ARFIP1: variants seen among roughly 807,000 people sequenced by gnomAD.
ARFIP1 encodes arfaptin-1.
ARFIP1 carries 24 observed loss-of-function variants against 42.5 expected under a neutral mutation model. The ratio of observed to expected loss-of-function variants is 0.57; its 90% CI spans 0.41 to 0.80. The LOEUF (loss-of-function observed/expected upper bound fraction) is 0.80. Ranked by LOEUF, ARFIP1 falls within the 30% of genes least tolerant of loss-of-function variation. ARFIP1 has a pLI of 0.00. For missense variants in ARFIP1, 354 were observed against 434.0 expected, an observed-to-expected ratio of 0.82 and a Z score of 1.64; for synonymous variants, 141 against 153.7, an observed-to-expected ratio of 0.92 and a Z score of 0.61.
rs1315308079 is a variant in ARFIP1 at position 152,902,653 on chromosome 4, C to T, written c.967-7411C>T. Among the ~76,000 whole-genome samples, 3 of 152,226 alleles carry T rather than the reference C, an allele frequency of 2.0e-5. No individual in the cohort carries two copies. In the South Asian group the frequency reaches 6.2e-4, roughly 32 times the overall value. On this transcript the variant is annotated intron_variant, in intron 8 of 8. Transcript: ENST00000353617. ...TAGCTGAAATACCTGCTCTTTCTTT[C>T]ATTCTGTGCTCCTCAGTTCCTGTGG... is the stretch of plus-strand genomic sequence containing the variant.
At chr4:152,793,312 CAA>C (rs5863020) in intron 1 of ARFIP1, among the ~76,000 whole-genome samples, 18 of 135,094 alleles carry the variant, frequency 1.3e-4, no homozygotes, top group Admixed American at 2.2e-4. Context: ...AACTCCGTCT[CAA>C]AAAAAAAAAA....
intron 8 of ARFIP1, among the ~76,000 whole-genome samples, chr4:152,891,138 T>C (rs1736812259): frequency 6.6e-6 from 1 of 152,202 alleles, no homozygotes. Flanking sequence ...ATGAGGACTG[T>C]ACCTCCCAAA....
chr4:152,889,897 C>T (rs1274516171), intron 8 of ARFIP1, among the ~76,000 whole-genome samples: 1 of 130,414 alleles, frequency 7.7e-6, no homozygotes, highest in African/African-American at 2.9e-5. Flanking sequence ...TGTATGTATA[C>T]TATATATATA....
intron 5 of ARFIP1, among the ~76,000 whole-genome samples, chr4:152,875,296 T>G (rs1311195136): frequency 2.7e-5 from 4 of 148,122 alleles, no homozygotes; most frequent in African/African-American, 1.0e-4. Flanking sequence ...GTTGAAATAA[T>G]AAACTATGGT....
chr4:152,848,935 T>G (rs944181545), intron 2 of ARFIP1, among the ~76,000 whole-genome samples: 1 of 152,202 alleles, frequency 6.6e-6, no homozygotes, highest in African/African-American at 2.4e-5. Context: ...TCAATGGCAA[T>G]AATGATTTGA....
intron 1 of ARFIP1, among the ~76,000 whole-genome samples, chr4:152,811,043 G>A (rs1384519578): frequency 7.0e-6 from 1 of 143,716 alleles, no homozygotes; most frequent in African/African-American, 2.6e-5. Flanking sequence ...CACTGTAGAA[G>A]TATTGGCAAC....
chr4:152,884,567 T>C lies in ARFIP1; in HGVS notation c.791+1687T>C, dbSNP rs73865266. ...CAAAAATACCCCCACCACCTCCTAG[T>C]TGAGAACTTTGTGAATCTAGTTTCT... is the stretch of plus-strand genomic sequence containing the variant. On this transcript the variant is annotated intron_variant, in intron 7 of 8. Coordinates refer to ENST00000353617, the MANE Select transcript of ARFIP1 (RefSeq NM_001025595.3). Among the ~76,000 whole-genome samples the C allele has an allele frequency of 9.5e-3, 1,453 of 152,152 alleles. 28 individuals carry two copies. The highest frequency in any genetic ancestry group is 0.033 in the African/African-American group (1,351 of 41,538).
At chr4:152,875,295 A>G (rs1735225268) in intron 5 of ARFIP1, among the ~76,000 whole-genome samples, 1 of 151,774 alleles carries the variant, frequency 6.6e-6, no homozygotes, top group Non-Finnish European at 1.5e-5. Flanking sequence ...AGTTGAAATA[A>G]TAAACTATGG....
At chr4:152,900,638 T>G (rs62319957) in intron 8 of ARFIP1, among the ~76,000 whole-genome samples, 4,107 of 152,254 alleles carry the variant, frequency 0.027, 99 homozygotes, top group South Asian at 0.11. Context: ...ACTAATAAAA[T>G]TATACTCCAC....
intron 2 of ARFIP1, among the ~76,000 whole-genome samples, chr4:152,857,186 A>T (rs1316717846): frequency 6.6e-6 from 1 of 152,242 alleles, no homozygotes; most frequent in African/African-American, 2.4e-5. Flanking sequence ...GTTTTAAGTG[A>T]TATTAGGAAA....
intron 1 of ARFIP1, 44 bp from the exon 2 acceptor site, chr4:152,829,581 G>A: frequency 7.5e-7 from 1 of 1,332,206 alleles, no homozygotes; most frequent in East Asian, 2.3e-5. Flanking sequence ...TAGTCTTTAT[G>A]ATTTGGTATT....
rs559701287 is a variant in ARFIP1, at chr4:152,819,718, C to T, written c.-9-9907C>T. ...TTTTCTACTTGGGGGAAGTTTCTTT[C>T]AGCAGAGGCACAAGTGCAGTTCTGG... On this transcript the variant is annotated intron_variant, in intron 1 of 8. Transcript: ENST00000353617. 7.2e-5 allele frequency among the ~76,000 whole-genome samples: 11 copies of T among 152,280 alleles called. No individual in the cohort carries two copies. In the South Asian group the frequency reaches 1.7e-3, roughly 23 times the overall value.
At chr4:152,847,147 T>TTTTTTTTTTA (rs1343918824) in intron 2 of ARFIP1, among the ~76,000 whole-genome samples, 1 of 136,998 alleles carries the variant, frequency 7.3e-6, no homozygotes, top group Non-Finnish European at 1.6e-5. Flanking sequence ...TTTTTTTTTT[T>TTTTTTTTTTA]TGAGACAGAG....
chr4:152,795,456 A>T (rs937560696), intron 1 of ARFIP1, among the ~76,000 whole-genome samples: 1 of 152,168 alleles, frequency 6.6e-6, no homozygotes, highest in Non-Finnish European at 1.5e-5. Context: ...AATATGGCAC[A>T]TCCAAGTTTC....
chr4:152,904,196 A>ATTTT (rs531633052), intron 8 of ARFIP1, among the ~76,000 whole-genome samples: 31 of 88,048 alleles, frequency 3.5e-4, no homozygotes, highest in Non-Finnish European at 1.1e-4. Context: ...ATATATATAT[A>ATTTT]TATTTTTTTT....
chr4:152,833,017 C>G (rs769738874), intron 2 of ARFIP1, among the ~76,000 whole-genome samples: 2 of 151,926 alleles, frequency 1.3e-5, no homozygotes, highest in African/African-American at 2.4e-5. Context: ...GTCAAAAGCA[C>G]AGGCAACAAA....
chr4:152,817,531 T>C (rs894184151), intron 1 of ARFIP1, among the ~76,000 whole-genome samples: 12 of 152,174 alleles, frequency 7.9e-5, no homozygotes, highest in African/African-American at 2.7e-4. Context: ...GGAAATGTTT[T>C]CTGACATCTG....
chr4:152,890,671 G>GT, intron 8 of ARFIP1, among the ~76,000 whole-genome samples: 1 of 152,174 alleles, frequency 6.6e-6, no homozygotes, highest in African/African-American at 2.4e-5. Context: ...TAAAGGATTG[G>GT]GAATTTTTTC....
intron 1 of ARFIP1, among the ~76,000 whole-genome samples, chr4:152,808,235 C>A (rs975175655): frequency 1.4e-5 from 2 of 142,510 alleles, no homozygotes; most frequent in Non-Finnish European, 1.5e-5. Context: ...CCACCTTGGC[C>A]TCCCAAAGTG....
Sources: allele counts gnomAD v4.1 joint callset (sites outside exome capture counted in the v4.1 genomes callset), GRCh38; gene constraint gnomAD v4.1.1; transcripts MANE v1.5; gene names NCBI Gene and HGNC (gene_info 2026-07-23, HGNC 2026-07-21).